The following CACNA1B variants were observed in gnomAD, a reference collection of about 807,000 sequenced individuals.
CACNA1B encodes voltage-dependent N-type calcium channel subunit alpha-1B.
In CACNA1B, 70 loss-of-function variants were observed where a neutral mutation model predicts 247.2. That is an observed-to-expected ratio of 0.28 (90% confidence interval 0.23 to 0.35). The LOEUF (loss-of-function observed/expected upper bound fraction) is 0.35. Ranked by LOEUF, CACNA1B falls within the 10% of genes least tolerant of loss-of-function variation. The probability of loss-of-function intolerance (pLI) is 1.00; values close to 1 mark genes in which losing one functional copy is unlikely to be tolerated. For synonymous variants in CACNA1B, 1,231 were observed against 1,294.4 expected, an observed-to-expected ratio of 0.95 and a Z score of 1.05; for missense variants, 2,367 against 3,197.4, an observed-to-expected ratio of 0.74 and a Z score of 6.26.
rs569252932 is a variant in CACNA1B, at chr9:138,051,787, C to T, written c.3711-305C>T. On this transcript the variant is annotated intron_variant, in intron 24 of 46. Transcript: ENST00000371372. The surrounding 1 kb of genome is among the most constrained non-coding windows in gnomAD (Gnocchi z 4.3). ...AGTCCTCGTGCGGGTCTCTTCTGTC[C>T]TCTTAATCCTGGAATCTGGGGTGGG... 6.6e-6 allele frequency among the ~76,000 whole-genome samples: 1 copy of T among 152,238 alleles called. No individual in the cohort carries two copies. The highest frequency in any genetic ancestry group is 2.1e-4 in the South Asian group (1 of 4,828).
rs758720755 is a variant in CACNA1B at position 138,072,352 on chromosome 9, C to T, written c.4675-1136C>T. 8.4e-4 allele frequency among the ~76,000 whole-genome samples: 128 copies of T among 152,220 alleles called. No individual in the cohort carries two copies. The highest frequency in any genetic ancestry group is 1.2e-3 in the Non-Finnish European group (79 of 68,036). On this transcript the variant is annotated intron_variant, in intron 32 of 46. Coordinates refer to ENST00000371372, the MANE Select transcript of CACNA1B (RefSeq NM_000718.4). This position sits in a 1 kb window ranked among gnomAD's most constrained non-coding sequence, Gnocchi z 4.5. Reference sequence around the variant, plus strand: ...CCCTGGAAGGAAGAGTGAGGCCCACCCCTCCACTGACACCTCATTCCCACC... The same window carrying T: ...CCCTGGAAGGAAGAGTGAGGCCCACTCCTCCACTGACACCTCATTCCCACC...
intron 13 of CACNA1B, among the ~76,000 whole-genome samples, chr9:137,984,685 TCCTGA>T (rs1958335863): frequency 6.6e-6 from 1 of 152,192 alleles, no homozygotes; most frequent in African/African-American, 2.4e-5. Context: ...CCTGCCATGG[TCCTGA>T]GCTTCTCACT....
At chr9:138,068,658 C>T (rs764424152) in intron 31 of CACNA1B, 3 of 518,344 alleles carry the variant, frequency 5.8e-6, no homozygotes, top group Non-Finnish European at 1.2e-5. Context: ...ATTGAGCTCC[C>T]AGCTGTAAGG....
chr9:138,035,492 TGCC>T (rs1959031545), intron 20 of CACNA1B, among the ~76,000 whole-genome samples: 1 of 152,202 alleles, frequency 6.6e-6, no homozygotes, highest in East Asian at 1.9e-4. Context: ...AAAAGATGAC[TGCC>T]AGTATCTGTA....
chr9:137,994,756 G>A (rs981702203), intron 15 of CACNA1B, among the ~76,000 whole-genome samples: 1 of 152,218 alleles, frequency 6.6e-6, no homozygotes, highest in Non-Finnish European at 1.5e-5. Context: ...TGTATGGGTA[G>A]AATCAATATT....
intron 20 of CACNA1B, among the ~76,000 whole-genome samples, chr9:138,043,403 G>A (rs539483573): frequency 6.6e-6 from 1 of 152,290 alleles, no homozygotes; most frequent in Admixed American, 6.5e-5. Context: ...GCTCCTCCCT[G>A]TGCTGCGGGT....
chr9:138,023,092 C>A lies in CACNA1B; in HGVS notation c.2349C>A (p.Ser783Arg). ...SQLRLQNLRA[S>R]CEALYSEMDP... ...TACGGCTGCAGAACCTGCGGGCCAG[C>A]TGCGAGGCGCTGTACAGCGAGATGG... Residue 783 changes from serine (S) to arginine (R), a missense_variant, in exon 19 of 47, where the codon AGC (serine) becomes AGA (arginine). Physicochemically the swap from Ser to Arg is moderately radical, Grantham distance 110. This residue lies in a region of CACNA1B where 631 missense variants were observed against 631.1 expected (regional missense o/e 1.00). Coordinates refer to ENST00000371372, the MANE Select transcript of CACNA1B (RefSeq NM_000718.4). 6.5e-7 allele frequency: 1 copy of A among 1,531,288 alleles called. No homozygotes were observed. The highest frequency in any genetic ancestry group is 1.4e-5 in the African/African-American group (1 of 71,482). The allele number at this position is 1,531,288 out of a possible 1,614,324, so 94.9% of individuals were successfully genotyped here.
intron 21 of CACNA1B, among the ~76,000 whole-genome samples, chr9:138,045,610 CCCTGCAAAGCCTGGGGTGGCT>C (rs1564256491): frequency 1.3e-5 from 2 of 152,198 alleles, no homozygotes; most frequent in Admixed American, 1.3e-4. Context: ...CGCCTGCAGA[CCCTGCAAAGCCTGGGGTGGCT>C]GGGGATGTCT....
intron 10 of CACNA1B, among the ~76,000 whole-genome samples, chr9:137,967,340 G>T (rs528213390): frequency 3.0e-4 from 45 of 152,096 alleles, no homozygotes; most frequent in African/African-American, 1.1e-3. Context: ...CCCTGCCTCC[G>T]CATCCTGGTT....
At chr9:137,963,385 A>G (rs1325230069) in intron 10 of CACNA1B, among the ~76,000 whole-genome samples, 1 of 152,012 alleles carries the variant, frequency 6.6e-6, no homozygotes, top group Non-Finnish European at 1.5e-5. Context: ...TTTACATTTA[A>G]AGTTAGTATT....
rs1321814563 is a variant in CACNA1B at position 137,975,998 on chromosome 9, C to A, written c.1635C>A (p.Ser545=). ...GGCCCAGAAGCTACTTCCGGTCCTC[C>A]TTCAACTGCTTCGACTTTGGGGTGA... is the stretch of plus-strand genomic sequence containing the variant. ...GLGPRSYFRS[S]FNCFDFGVIV... is the part of the protein sequence containing the mutation. Residue 545 remains serine (S), a synonymous_variant, in exon 12 of 47, where the codon TCC becomes TCA. Transcript: ENST00000371372. 1 of 1,609,868 alleles carries A rather than the reference C, an allele frequency of 6.2e-7. No individual in the cohort carries two copies. Among genetic ancestry groups the A allele is most frequent in the Middle Eastern group, 1.7e-4 (1 of 6,052 alleles).
intron 36 of CACNA1B, among the ~76,000 whole-genome samples, chr9:138,092,411 C>T (rs892864233): frequency 2.6e-5 from 4 of 152,212 alleles, no homozygotes; most frequent in Non-Finnish European, 4.4e-5. Context: ...TTCTCCTATT[C>T]GCTTTCTGCA....
chr9:138,067,910 CAG>C (rs138667689), intron 31 of CACNA1B, among the ~76,000 whole-genome samples: 352 of 152,332 alleles, frequency 2.3e-3, no homozygotes, highest in African/African-American at 8.0e-3. Context: ...GCCGACCAAA[CAG>C]AGGCATCTGA....
intron 6 of CACNA1B, among the ~76,000 whole-genome samples, chr9:137,949,093 TGTGC>T (rs1166541121): frequency 1.2e-4 from 10 of 81,826 alleles, no homozygotes; most frequent in African/African-American, 2.2e-4. Flanking sequence ...GTGTGTGGTG[TGTGC>T]ATGTTTGTGG....
At position 137,952,336 on chromosome 9, in the gene CACNA1B, C is replaced by T. The variant is rs778070185; in HGVS notation, c.1029C>T (p.Gly343=). The T allele has an allele frequency of 5.0e-6, 8 of 1,613,920 alleles. No homozygotes were observed. In the East Asian group the frequency reaches 1.8e-4, roughly 36 times the overall value. Residue 343 remains glycine (G), a synonymous_variant, in exon 7 of 47, where the codon GGC becomes GGT. Coordinates refer to ENST00000371372, the MANE Select transcript of CACNA1B (RefSeq NM_000718.4). The surrounding 1 kb of genome is among the most constrained non-coding windows in gnomAD (Gnocchi z 4.8). ...WLYFIPLIII[G]SFFMLNLVLG... Reference sequence around the variant, plus strand: ...ACTTCATCCCTCTCATCATCATCGGCTCCTTCTTCATGCTCAACCTGGTGC... The same window carrying T: ...ACTTCATCCCTCTCATCATCATCGGTTCCTTCTTCATGCTCAACCTGGTGC...
intron 15 of CACNA1B, among the ~76,000 whole-genome samples, chr9:137,999,392 G>A (rs1958538227): frequency 6.6e-6 from 1 of 151,908 alleles, no homozygotes; most frequent in Non-Finnish European, 1.5e-5. Flanking sequence ...AAATCACGAT[G>A]GCCATTACAG....
intron 23 of CACNA1B, among the ~76,000 whole-genome samples, chr9:138,048,146 T>A (rs1959198740): frequency 6.6e-6 from 1 of 152,186 alleles, no homozygotes; most frequent in Admixed American, 6.5e-5. Context: ...ACCTCTGCTA[T>A]TTCACTCTTG....
At chr9:137,939,378 A>C (rs186570049) in intron 6 of CACNA1B, among the ~76,000 whole-genome samples, 2 of 152,214 alleles carry the variant, frequency 1.3e-5, no homozygotes, top group African/African-American at 4.8e-5. Flanking sequence ...CTGAGACCAC[A>C]GTGGAATAAA....
chr9:137,951,867 T>C (rs1039390340), intron 6 of CACNA1B, among the ~76,000 whole-genome samples: 1 of 152,166 alleles, frequency 6.6e-6, no homozygotes, highest in Non-Finnish European at 1.5e-5. Flanking sequence ...TGGGCCCCCT[T>C]CAGGAGGACA....
Sources: gnomAD v4.1 joint callset for allele counts (sites outside exome capture counted in the v4.1 genomes callset) on GRCh38, gnomAD v4.1.1 for gene constraint, gnomAD v4.1.1 regional missense constraint, Gnocchi (gnomAD v3.1) non-coding constraint, MANE v1.5 for transcripts, NCBI Gene and HGNC (gene_info 2026-07-23, HGNC 2026-07-21) for gene names.